The following ADGRL4 variants were observed in gnomAD, a reference collection of about 807,000 sequenced individuals.
The protein encoded by ADGRL4 is adhesion G protein-coupled receptor L4, also known as EGF, latrophilin and seven transmembrane domain containing 1.
Under a neutral mutation model 74.8 loss-of-function variants are expected in ADGRL4, and 90 were observed. That is an observed-to-expected ratio of 1.20 (90% confidence interval 1.02 to 1.43). The LOEUF (loss-of-function observed/expected upper bound fraction) is 1.43, where lower values mean the gene tolerates loss of function less well. ADGRL4 is among the 40% of genes most tolerant of loss of function. ADGRL4 has a pLI of 0.00. For synonymous variants in ADGRL4, 311 were observed against 279.2 expected, an observed-to-expected ratio of 1.11 and a Z score of -1.14; for missense variants, 881 against 814.3, an observed-to-expected ratio of 1.08 and a Z score of -1.00.
At position 78,891,184 on chromosome 1, in the gene ADGRL4, A is replaced by C. The variant is rs577581447; in HGVS notation, c.2043T>G (p.Asn681Lys). The change falls in exon 15 of 15, where the codon AAT becomes AAG. Residue 681 changes from asparagine to lysine, a missense_variant. By Grantham distance (94) the Asn-to-Lys change is moderately conservative. Transcript: ENST00000370742. ...IQEEYYRLFK[N>K]VPCCFGCLR ...TTAAACATCCAAAACAACAGGGGAC[A>C]TTTTTGAACAATCTGTAATATTCTT... 6.2e-7 allele frequency: 1 copy of C among 1,611,174 alleles called. No individual in the cohort carries two copies. Among genetic ancestry groups the C allele is most frequent in the Non-Finnish European group, 8.5e-7 (1 of 1,178,222 alleles).
At chr1:78,901,409 T>C (rs1302047298) in intron 12 of ADGRL4, among the ~76,000 whole-genome samples, 3 of 152,160 alleles carry the variant, frequency 2.0e-5, no homozygotes, top group Non-Finnish European at 4.4e-5. Context: ...GGAGACTGAA[T>C]ATATGTGTAT....
At chr1:78,905,430 T>C (rs1392538496) in intron 12 of ADGRL4, among the ~76,000 whole-genome samples, 1 of 152,040 alleles carries the variant, frequency 6.6e-6, no homozygotes, top group Non-Finnish European at 1.5e-5. Flanking sequence ...AGCTACCTTT[T>C]CTTACATTTC....
chr1:78,995,339 T>C (rs1650691855), intron 2 of ADGRL4, among the ~76,000 whole-genome samples: 2 of 152,110 alleles, frequency 1.3e-5, no homozygotes, highest in Non-Finnish European at 2.9e-5. Context: ...AGAGAAAATA[T>C]GGAAAAAACG....
intron 2 of ADGRL4, among the ~76,000 whole-genome samples, chr1:78,967,323 A>G (rs568289244): frequency 1.3e-5 from 2 of 152,130 alleles, no homozygotes; most frequent in Non-Finnish European, 2.9e-5. Context: ...CATGGGGTAA[A>G]ATGGAACATA....
chr1:78,949,273 T>C (rs1649674842), intron 2 of ADGRL4, among the ~76,000 whole-genome samples: 1 of 152,174 alleles, frequency 6.6e-6, no homozygotes, highest in African/African-American at 2.4e-5. Flanking sequence ...TGCTTAACCC[T>C]GAAATATTGT....
chr1:78,921,888 T>A (rs1211470597), intron 8 of ADGRL4, 102 bp from the exon 9 acceptor site: 8 of 603,434 alleles, frequency 1.3e-5, no homozygotes, highest in Non-Finnish European at 2.0e-5. Context: ...AAACAATGCC[T>A]TAACAGTGAA....
chr1:78,938,172 T>A lies in ADGRL4; in HGVS notation c.504A>T (p.Glu168Asp), dbSNP rs777025526. The A allele has an allele frequency of 6.2e-7, 1 of 1,612,704 alleles. No homozygotes were observed. Among genetic ancestry groups the A allele is most frequent in the Non-Finnish European group, 8.5e-7 (1 of 1,179,458 alleles). ...TCTTGTAACCTAGTAATGAAGATGA[T>A]TCAGCTAATATTTCTATATATGTAA... ...DIITYIEILAESSSLLGYKNN... is the reference protein window; with the variant it reads ...DIITYIEILADSSSLLGYKNN... Residue 168 changes from glutamate to aspartate, a missense_variant, in exon 5 of 15, where the codon GAA (glutamate) becomes GAT (aspartate). Coordinates refer to ENST00000370742, the MANE Select transcript of ADGRL4 (RefSeq NM_022159.4).
intron 2 of ADGRL4, among the ~76,000 whole-genome samples, chr1:78,966,682 C>T (rs115522823): frequency 6.1e-4 from 93 of 152,248 alleles, no homozygotes; most frequent in African/African-American, 2.1e-3. Flanking sequence ...GAATGCCACG[C>T]ATTCACATCT....
intron 8 of ADGRL4, among the ~76,000 whole-genome samples, chr1:78,926,035 TTA>T (rs1424337109): frequency 6.6e-6 from 1 of 152,084 alleles, no homozygotes; most frequent in African/African-American, 2.4e-5. Flanking sequence ...CCTGCACTTT[TTA>T]TACATTTAGT....
At chr1:78,959,562 C>T (rs1649903435) in intron 2 of ADGRL4, among the ~76,000 whole-genome samples, 1 of 152,128 alleles carries the variant, frequency 6.6e-6, no homozygotes. Context: ...TGTGTGTTTA[C>T]CTCCTAGGCA....
At chr1:78,970,428 G>A (rs921983198) in intron 2 of ADGRL4, among the ~76,000 whole-genome samples, 3 of 152,136 alleles carry the variant, frequency 2.0e-5, no homozygotes, top group Non-Finnish European at 2.9e-5. Context: ...CTGATAGTAG[G>A]TGGGATAGAG....
chr1:79,001,399 T>C (rs1169591352), intron 2 of ADGRL4, among the ~76,000 whole-genome samples: 1 of 151,402 alleles, frequency 6.6e-6, no homozygotes, highest in Non-Finnish European at 1.5e-5. Context: ...TGAAAACAAA[T>C]ATTTTTAAAA....
intron 2 of ADGRL4, among the ~76,000 whole-genome samples, chr1:78,976,480 T>G (rs1650285024): frequency 6.6e-6 from 1 of 151,930 alleles, no homozygotes; most frequent in Non-Finnish European, 1.5e-5. Flanking sequence ...TTCAACATCT[T>G]AGGTGAAAAA....
At chr1:78,966,605 C>T (rs1650061884) in intron 2 of ADGRL4, among the ~76,000 whole-genome samples, 1 of 152,108 alleles carries the variant, frequency 6.6e-6, no homozygotes, top group East Asian at 1.9e-4. Context: ...TCTTTTCCTT[C>T]CTCTTTTTGG....
intron 2 of ADGRL4, among the ~76,000 whole-genome samples, chr1:78,998,362 CTTTTTTTTTTTT>C (rs71078519): frequency 1.1e-3 from 72 of 65,048 alleles, no homozygotes; most frequent in Non-Finnish European, 1.6e-3. Context: ...TCCACTGATT[CTTTTTTTTTTTT>C]TTTTTTTTTT....
chr1:78,892,026 T>C (rs929611711), intron 13 of ADGRL4, among the ~76,000 whole-genome samples: 2 of 152,138 alleles, frequency 1.3e-5, no homozygotes, highest in East Asian at 1.9e-4. Context: ...ATTTCAAATG[T>C]AATGTTGCAG....
chr1:78,998,362 C>CTTTT (rs71078519), intron 2 of ADGRL4, among the ~76,000 whole-genome samples: 12 of 65,048 alleles, frequency 1.8e-4, no homozygotes, highest in African/African-American at 4.9e-4. Context: ...TCCACTGATT[C>CTTTT]TTTTTTTTTT....
intron 2 of ADGRL4, among the ~76,000 whole-genome samples, chr1:78,991,394 T>A (rs1261285839): frequency 3.3e-5 from 5 of 152,038 alleles, no homozygotes; most frequent in African/African-American, 1.2e-4. Context: ...CAATTTGCTT[T>A]AAGTATCTTC....
intron 3 of ADGRL4, among the ~76,000 whole-genome samples, chr1:78,942,125 G>A (rs1649497662): frequency 6.9e-6 from 1 of 145,288 alleles, no homozygotes; most frequent in Admixed American, 7.1e-5. Flanking sequence ...GCATGAACCT[G>A]GGAGCACCAC....
Sources: gnomAD v4.1 joint callset for allele counts (sites outside exome capture counted in the v4.1 genomes callset) on GRCh38, gnomAD v4.1.1 for gene constraint, MANE v1.5 for transcripts, NCBI Gene and HGNC (gene_info 2026-07-23, HGNC 2026-07-21) for gene names.